Variants in C1orf21 observed in about 807,000 individuals in gnomAD.
C1orf21 encodes chromosome 1 open reading frame 21.
C1orf21 carries 3 observed loss-of-function variants against 18.7 expected under a neutral mutation model. That is an observed-to-expected ratio of 0.16 (90% CI 0.07 to 0.42). The LOEUF is 0.42. C1orf21 is among the 10% of genes least tolerant of loss of function. The pLI is 0.99. For synonymous variants in C1orf21, 41 were observed against 46.4 expected (o/e 0.88, Z 0.47); for missense variants, 104 against 143.6 (o/e 0.72, Z 1.41).
At chr1:184,534,620 C>G (rs1408563920) in intron 3 of C1orf21, among the ~76,000 whole-genome samples, 1 of 151,106 alleles carries the variant, frequency 6.6e-6, no homozygotes, top group Non-Finnish European at 1.5e-5. Flanking sequence ...TTCTTTTATT[C>G]TCTTAGTCAT....
chr1:184,496,847 GT>G (rs1657901750), intron 2 of C1orf21, among the ~76,000 whole-genome samples: 1 of 152,164 alleles, frequency 6.6e-6, no homozygotes, highest in South Asian at 2.1e-4. Context: ...ATCATTAAAA[GT>G]TCTAGAAATT....
At chr1:184,490,325 T>A (rs1657798493) in intron 2 of C1orf21, among the ~76,000 whole-genome samples, 2 of 152,178 alleles carry the variant, frequency 1.3e-5, no homozygotes, top group Admixed American at 6.5e-5. Context: ...GTCAGTACCA[T>A]AGGGTGATAA....
chr1:184,472,657 AT>A (rs529468466), intron 1 of C1orf21, among the ~76,000 whole-genome samples: 8 of 152,052 alleles, frequency 5.3e-5, no homozygotes, highest in East Asian at 1.9e-4. Context: ...TAAAAGTAGG[AT>A]TTTTTTTAAT....
chr1:184,584,593 G>A (rs749407929), intron 3 of C1orf21, among the ~76,000 whole-genome samples: 3 of 152,176 alleles, frequency 2.0e-5, no homozygotes, highest in Non-Finnish European at 2.9e-5. Context: ...AAATGAAAAC[G>A]TGTCTACAAA....
intron 1 of C1orf21, among the ~76,000 whole-genome samples, chr1:184,423,946 G>A (rs1656589979): frequency 6.6e-6 from 1 of 151,968 alleles, no homozygotes; most frequent in African/African-American, 2.4e-5. Context: ...ACTGGGGTAG[G>A]TGCTGGCAAC....
At chr1:184,473,169 T>G (rs1182508813) in intron 1 of C1orf21, among the ~76,000 whole-genome samples, 13 of 152,182 alleles carry the variant, frequency 8.5e-5, no homozygotes, top group Non-Finnish European at 1.8e-4. Context: ...CAAAGATCAT[T>G]TAGATTAAAG....
chr1:184,522,792 A>G (rs1015133729), intron 3 of C1orf21, among the ~76,000 whole-genome samples: 5 of 152,106 alleles, frequency 3.3e-5, no homozygotes, highest in Admixed American at 6.5e-5. Flanking sequence ...GGCTTGGGCA[A>G]TTCCCCCACT....
At chr1:184,393,630 C>T (rs1656006279) in intron 1 of C1orf21, among the ~76,000 whole-genome samples, 1 of 152,184 alleles carries the variant, frequency 6.6e-6, no homozygotes, top group Non-Finnish European at 1.5e-5. Flanking sequence ...TTCTTCACTT[C>T]TCTTAGCTAT....
At chr1:184,526,933 A>T (rs902941630) in intron 3 of C1orf21, among the ~76,000 whole-genome samples, 1 of 152,176 alleles carries the variant, frequency 6.6e-6, no homozygotes, top group African/African-American at 2.4e-5. Context: ...CTGTCTAAGA[A>T]GGAGGAGGCA....
chr1:184,388,309 T>TA, intron 1 of C1orf21, among the ~76,000 whole-genome samples: 1 of 152,306 alleles, frequency 6.6e-6, no homozygotes, highest in East Asian at 1.9e-4. Context: ...TGGCCAAAGA[T>TA]AAAAATATGC....
chr1:184,556,755 A>G (rs563763788), intron 3 of C1orf21, among the ~76,000 whole-genome samples: 1 of 152,194 alleles, frequency 6.6e-6, no homozygotes, highest in Non-Finnish European at 1.5e-5. Flanking sequence ...GGAAAAACAC[A>G]TGAGCCACAC....
chr1:184,491,071 A>G (rs958525558), intron 2 of C1orf21, among the ~76,000 whole-genome samples: 1 of 152,170 alleles, frequency 6.6e-6, no homozygotes, highest in Non-Finnish European at 1.5e-5. Context: ...ACCTCATAAG[A>G]TGCTATGAGG....
chr1:184,523,608 G>T (rs1429704561), intron 3 of C1orf21, among the ~76,000 whole-genome samples: 1 of 152,104 alleles, frequency 6.6e-6, no homozygotes, highest in Non-Finnish European at 1.5e-5. Flanking sequence ...TCTTATCAAT[G>T]TTACTTGATT....
At chr1:184,480,597 G>A (rs775049463) in intron 2 of C1orf21, among the ~76,000 whole-genome samples, 2 of 152,176 alleles carry the variant, frequency 1.3e-5, no homozygotes, top group African/African-American at 2.4e-5. Context: ...CTATTGCTGC[G>A]TAGACTGTAA....
chr1:184,458,133 G>T (rs1283546595), intron 1 of C1orf21, among the ~76,000 whole-genome samples: 5 of 152,110 alleles, frequency 3.3e-5, no homozygotes, highest in African/African-American at 1.2e-4. Context: ...CGCCTGACCC[G>T]TTCTGGCTCT....
chr1:184,416,550 C>A (rs1656454929), intron 1 of C1orf21, among the ~76,000 whole-genome samples: 1 of 152,094 alleles, frequency 6.6e-6, no homozygotes, highest in Non-Finnish European at 1.5e-5. Context: ...CAGCACAAAT[C>A]ACTTTTGGAA....
At chr1:184,520,267 C>A (rs542198959) in intron 3 of C1orf21, among the ~76,000 whole-genome samples, 2 of 152,282 alleles carry the variant, frequency 1.3e-5, no homozygotes, top group African/African-American at 4.8e-5. Context: ...TACTGGCAAA[C>A]TTCTGCTTAT....
At chr1:184,526,413 A>G (rs1658376722) in intron 3 of C1orf21, among the ~76,000 whole-genome samples, 1 of 152,140 alleles carries the variant, frequency 6.6e-6, no homozygotes, top group Non-Finnish European at 1.5e-5. Flanking sequence ...GGTATTTTTG[A>G]AGCATCCTCC....
chr1:184,407,182 C>T (rs990581226), intron 1 of C1orf21, among the ~76,000 whole-genome samples: 18 of 152,124 alleles, frequency 1.2e-4, no homozygotes, highest in African/African-American at 4.1e-4. Flanking sequence ...ACTATGTTGC[C>T]TAGGCTGGTC....
Sources: allele counts gnomAD v4.1 joint callset (sites outside exome capture counted in the v4.1 genomes callset), GRCh38; gene constraint gnomAD v4.1.1; transcripts MANE v1.5; gene names NCBI Gene and HGNC (gene_info 2026-07-23, HGNC 2026-07-21).